RUFY3: variants seen among roughly 807,000 people sequenced by gnomAD.
The protein encoded by RUFY3 is RUN and FYVE domain containing 3, also known as protein RUFY3.
RUFY3 carries 34 observed loss-of-function variants against 84.0 expected under a neutral mutation model. The ratio of observed to expected loss-of-function variants is 0.40; its 90% CI spans 0.31 to 0.54. RUFY3 has a LOEUF of 0.54. Among genes scored for constraint, RUFY3 ranks in the 20% least tolerant of loss-of-function variants. The probability of loss-of-function intolerance (pLI) is 0.39; values close to 1 mark genes in which losing one functional copy is unlikely to be tolerated. For synonymous variants in RUFY3, 242 were observed against 252.9 expected (o/e 0.96, Z 0.41); for missense variants, 507 against 736.8 (o/e 0.69, Z 3.61).
chr4:70,752,863 A>G (rs1391308322), intron 1 of RUFY3, among the ~76,000 whole-genome samples: 2 of 152,314 alleles, frequency 1.3e-5, no homozygotes, highest in African/African-American at 4.8e-5. Flanking sequence ...GTATTGATCT[A>G]TAGTTTTCTT....
At chr4:70,760,779 T>C (rs551116838) in intron 1 of RUFY3, among the ~76,000 whole-genome samples, 3 of 152,324 alleles carry the variant, frequency 2.0e-5, no homozygotes, top group South Asian at 4.1e-4. Context: ...TTTGTTGTTA[T>C]GCAAGAAAGA....
At chr4:70,752,645 C>CT (rs1723316361) in intron 1 of RUFY3, among the ~76,000 whole-genome samples, 1 of 152,140 alleles carries the variant, frequency 6.6e-6, no homozygotes, top group African/African-American at 2.4e-5. Flanking sequence ...TTGTCAAGTA[C>CT]TTTGTCTGCT....
At chr4:70,789,113 T>C (rs1445023042) in intron 11 of RUFY3, 140 bp downstream of exon 11, 2 of 1,413,378 alleles carry the variant, frequency 1.4e-6, no homozygotes, top group East Asian at 5.0e-5. Context: ...GCCAGTAAAC[T>C]ACTTTCAGAA....
At position 70,726,374 on chromosome 4, in the gene RUFY3, T is replaced by C. The variant is rs554310738; in HGVS notation, c.178+3623T>C. 2.6e-5 allele frequency among the ~76,000 whole-genome samples: 4 copies of C among 152,092 alleles called. No individual in the cohort carries two copies. The South Asian group carries it at 8.3e-4, about 32-fold the overall frequency. On this transcript the variant is annotated intron_variant, in intron 1 of 17. Transcript: ENST00000381006. ...AGCACTACCATCACTCTTTTTTTTC[T>C]TTTTTTTGAGACAGTTTCGCTCTTA...
intron 1 of RUFY3, chr4:70,741,511 C>A: frequency 1.3e-6 from 1 of 760,508 alleles, no homozygotes; most frequent in Non-Finnish European, 2.0e-6. Flanking sequence ...TAGAAAGAAT[C>A]CTAGGAACCT....
At chr4:70,705,665 G>C (rs1296236922) in intron 1 of RUFY3, among the ~76,000 whole-genome samples, 1 of 152,170 alleles carries the variant, frequency 6.6e-6, no homozygotes. Context: ...CCTGTCCCGG[G>C]TCCCGGGCTG....
At chr4:70,803,657 C>A (rs1732515658) in intron 16 of RUFY3, among the ~76,000 whole-genome samples, 1 of 151,992 alleles carries the variant, frequency 6.6e-6, no homozygotes, top group African/African-American at 2.4e-5. Context: ...AGTGATCTTC[C>A]CGCCTTGGCC....
At chr4:70,747,733 G>C (rs1005191954) in intron 1 of RUFY3, among the ~76,000 whole-genome samples, 11 of 152,144 alleles carry the variant, frequency 7.2e-5, no homozygotes, top group African/African-American at 2.4e-4. Context: ...TATCTTGAAA[G>C]CTGGGCATGG....
Position 70,785,035 on chromosome 4 carries a change from C to T in RUFY3, c.1071+156C>T, listed in dbSNP as rs550619762. On this transcript the variant is annotated intron_variant, in intron 10 of 17. Transcript: ENST00000381006. Reference sequence around the variant, plus strand: ...GTTCATCTCTTTTTAACCCACATTCCTTATCATACTTTCTCAATCTTTTTC... The same window carrying T: ...GTTCATCTCTTTTTAACCCACATTCTTTATCATACTTTCTCAATCTTTTTC... 2.1e-4 allele frequency among the ~76,000 whole-genome samples: 32 copies of T among 152,238 alleles called. No individual in the cohort carries two copies. The South Asian group carries it at 6.2e-3, about 30-fold the overall frequency.
At position 70,803,658 on chromosome 4, in the gene RUFY3, C is replaced by T. The variant is rs529000552; in HGVS notation, c.1650+675C>T. On this transcript the variant is annotated intron_variant, in intron 16 of 17. Coordinates refer to ENST00000381006, the MANE Select transcript of RUFY3 (RefSeq NM_001037442.4). ...AACTCCTGGGCTCAAGTGATCTTCC[C>T]GCCTTGGCCTCCCAAAGTGCTGGGA... Among the ~76,000 whole-genome samples, 56 of 151,394 alleles carry T rather than the reference C, an allele frequency of 3.7e-4. No individual in the cohort carries two copies. The South Asian group carries it at 7.6e-3, about 20-fold the overall frequency.
rs780089980 is a variant in RUFY3, at chr4:70,806,524, T to C, written c.1728T>C (p.Cys576=). 1 of 1,614,126 alleles carries C rather than the reference T, an allele frequency of 6.2e-7. No individual in the cohort carries two copies. The highest frequency in any genetic ancestry group is 1.1e-5 in the South Asian group (1 of 91,074). The change falls in exon 18 of 18, where the codon TGT becomes TGC. Residue 576 remains cysteine, a synonymous_variant. Transcript: ENST00000381006. ...ACCTCCTCTTCTCATAGAATGTGTG[T>C]AAGAACTGCAGCGGAACCTTCTGTG... ...QEDGSLTKNV[C]KNCSGTFCDA...
chr4:70,751,611 G>T (rs1723144598), intron 1 of RUFY3, among the ~76,000 whole-genome samples: 4 of 152,124 alleles, frequency 2.6e-5, no homozygotes, highest in East Asian at 1.9e-4. Context: ...TTTCTCTTCT[G>T]TTGTTAAATC....
intron 7 of RUFY3, among the ~76,000 whole-genome samples, chr4:70,775,502 AATAG>A (rs1268174756): frequency 2.0e-5 from 3 of 147,938 alleles, no homozygotes; most frequent in African/African-American, 2.4e-5. Context: ...CTAGTGATTA[AATAG>A]ATAAATACGT....
At chr4:70,755,756 C>T (rs1356722626) in intron 1 of RUFY3, among the ~76,000 whole-genome samples, 2 of 152,006 alleles carry the variant, frequency 1.3e-5, no homozygotes, top group Admixed American at 6.6e-5. Flanking sequence ...TCAAGACCAT[C>T]CTGGCTAACA....
At chr4:70,768,501 T>C in intron 4 of RUFY3, 37 bp from the exon 5 acceptor site, 1 of 1,600,000 alleles carries the variant, frequency 6.3e-7, no homozygotes, top group African/African-American at 1.3e-5. Context: ...TTTGAGATTT[T>C]TGTTACAATA....
chr4:70,739,426 A>C (rs1250768987), intron 1 of RUFY3, among the ~76,000 whole-genome samples: 2 of 152,312 alleles, frequency 1.3e-5, no homozygotes, highest in African/African-American at 4.8e-5. Flanking sequence ...AAGTACTTCA[A>C]ATTTATTAGC....
intron 8 of RUFY3, among the ~76,000 whole-genome samples, chr4:70,778,953 T>C (rs1728447003): frequency 6.6e-6 from 1 of 152,208 alleles, no homozygotes; most frequent in South Asian, 2.1e-4. Flanking sequence ...TTAGACTGTG[T>C]AGGGGCATGT....
chr4:70,784,355 C>G (rs1031839619), intron 9 of RUFY3, among the ~76,000 whole-genome samples: 1 of 152,098 alleles, frequency 6.6e-6, no homozygotes, highest in Non-Finnish European at 1.5e-5. Context: ...TGGTGGCGCA[C>G]GCCTATAATC....
chr4:70,704,993 G>C, exon 1 of RUFY3: 3 of 1,225,430 alleles, frequency 2.4e-6, no homozygotes, highest in Non-Finnish European at 3.0e-6. Flanking sequence ...GCGAGGAGCC[G>C]GCGAGGGGCG....
Sources: allele counts gnomAD v4.1 joint callset (sites outside exome capture counted in the v4.1 genomes callset), GRCh38; gene constraint gnomAD v4.1.1; transcripts MANE v1.5; gene names NCBI Gene and HGNC (gene_info 2026-07-23, HGNC 2026-07-21).